MROH6: variants seen among roughly 807,000 people sequenced by gnomAD.
MROH6 encodes maestro heat-like repeat-containing protein family member 6.
MROH6 carries 62 observed loss-of-function variants against 67.7 expected under a neutral mutation model. That is an observed-to-expected ratio of 0.92 (90% CI 0.75 to 1.13). The LOEUF is 1.13. MROH6 is among the 50% of genes most tolerant of loss of function. The pLI, the probability that MROH6 is intolerant of heterozygous loss-of-function variation, is 0.00. For missense variants in MROH6, 1,175 were observed against 1,029.1 expected (o/e 1.14, Z -1.94); for synonymous variants, 566 against 470.8 (o/e 1.20, Z -2.62).
chr8:143,568,889 G>A, intron 9 of MROH6, 170 bp from the exon 10 acceptor site: 1 of 554,476 alleles, frequency 1.8e-6, no homozygotes, highest in South Asian at 2.4e-5. Flanking sequence ...GGGAAGCCTG[G>A]AGAGCCCCTG....
At position 143,570,867 on chromosome 8, in the gene MROH6, A is replaced by G; in HGVS notation, c.720+10T>C. The stretch of plus-strand genomic sequence containing the variant: ...GCCCCCACCCCCTGGTAATGGCTGG[A>G]GCCACCTACCGCCAGTGCCTGGGGC... On this transcript the variant is annotated intron_variant, in intron 4 of 13. Transcript: ENST00000398882. 1.7e-6 allele frequency: 1 copy of G among 581,420 alleles called. No individual in the cohort carries two copies. 36.0% of individuals were successfully genotyped at this position (581,420 alleles called of 1,614,324 possible). A position where few individuals can be genotyped will look rare whatever the true frequency, so the allele number is the denominator to read the frequency against.
At chr8:143,567,714 C>T (rs1290133899) in intron 12 of MROH6, 38 bp from the exon 13 acceptor site, 3 of 1,573,126 alleles carry the variant, frequency 1.9e-6, no homozygotes, top group Middle Eastern at 1.7e-4. Context: ...GGCCCCACAG[C>T]CCCCCAGGGG....
chr8:143,567,062 CCT>C lies in MROH6; in HGVS notation c.*175_*176del, dbSNP rs1823648478. On this transcript the variant is annotated 3_prime_UTR_variant, in exon 14 of 14. Transcript: ENST00000398882. The stretch of plus-strand genomic sequence containing the variant: ...GGGACAGATGGGTGCTGGCTGTCCC[CCT>C]CTGTCACCATCAGGGTGGTGGGTGC... 5.6e-6 allele frequency: 2 copies of C among 356,850 alleles called. No individual in the cohort carries two copies. Among genetic ancestry groups the C allele is most frequent in the East Asian group, 4.1e-5 (1 of 24,544 alleles). 22.1% of individuals were successfully genotyped at this position (356,850 alleles called of 1,614,324 possible). A position where few individuals can be genotyped will look rare whatever the true frequency, so the allele number is the denominator to read the frequency against.
chr8:143,572,371 CA>C (rs772183333), intron 1 of MROH6, 49 bp downstream of exon 1: 2 of 1,501,844 alleles, frequency 1.3e-6, no homozygotes, highest in South Asian at 2.6e-5. Flanking sequence ...ACCTACCATC[CA>C]CAGGACCCCC....
rs776811658 is a variant in MROH6 at position 143,569,537 on chromosome 8, C to A, written c.1380G>T (p.Ala460=). 6.6e-7 allele frequency: 1 copy of A among 1,526,628 alleles called. No individual in the cohort carries two copies. The highest frequency in any genetic ancestry group is 8.7e-7 in the Non-Finnish European group (1 of 1,142,994). The allele number at this position is 1,526,628 out of a possible 1,614,324, so 94.6% of individuals were successfully genotyped here. ...GEGDARLVGA[A]LGALRRLLLR... ...GCAGGAGCCTCCTCAGGGCGCCCAG[C>A]GCTGCACCCACGAGCCGCGCGTCGC... Residue 460 remains alanine (A), a synonymous_variant, in exon 9 of 14, where the codon GCG becomes GCT. Transcript: ENST00000398882.
intron 1 of MROH6, 99 bp downstream of exon 1, chr8:143,572,322 C>G: frequency 6.7e-7 from 1 of 1,490,056 alleles, no homozygotes; most frequent in South Asian, 1.3e-5. Flanking sequence ...CGCTGACCTC[C>G]CCCGGGGCCA....
rs376495603 is a variant in MROH6, at chr8:143,570,804, A to G, written c.720+73T>C. ...GCAGTTACCTAGGTGCAAACTCCCT[A>G]TGCCCATCCTCCCCGCTCCTCGCCA... On this transcript the variant is annotated intron_variant, in intron 4 of 13. Transcript: ENST00000398882. 40 of 1,423,416 alleles carry G rather than the reference A, an allele frequency of 2.8e-5. No homozygotes were observed. The African/African-American group carries it at 5.2e-4, about 19-fold the overall frequency. 88.2% of individuals were successfully genotyped at this position (1,423,416 alleles called of 1,614,324 possible). A position where few individuals can be genotyped will look rare whatever the true frequency, so the allele number is the denominator to read the frequency against.
rs368608881 is a variant in MROH6 at position 143,570,608 on chromosome 8, G to C, written c.770C>G (p.Ala257Gly). 3.7e-6 allele frequency: 6 copies of C among 1,602,068 alleles called. No individual in the cohort carries two copies. In the South Asian group the frequency reaches 6.6e-5, roughly 18 times the overall value. Residue 257 changes from alanine (A) to glycine (G), a missense_variant, in exon 5 of 14, where the codon GCC becomes GGC. Transcript: ENST00000398882. ...EMLAVSGCVG[A>G]TRGFYPHLLL... is the part of the protein sequence containing the mutation. Reference sequence around the variant, plus strand: ...CAGATGTGGGTAGAAGCCCCTCGTGGCTCCCACGCAGCCCGAAACAGCCAG... The same window carrying C: ...CAGATGTGGGTAGAAGCCCCTCGTGCCTCCCACGCAGCCCGAAACAGCCAG...
At chr8:143,571,494 C>T (rs1257966792) in intron 3 of MROH6, among the ~76,000 whole-genome samples, 173 bp downstream of exon 3, 1 of 152,064 alleles carries the variant, frequency 6.6e-6, no homozygotes, top group African/African-American at 2.4e-5. Context: ...GGGGAGTTTG[C>T]GGAGCTAAAA....
chr8:143,572,650 G>A lies in MROH6; in HGVS notation c.65C>T (p.Thr22Ile). 1 of 1,572,754 alleles carries A rather than the reference G, an allele frequency of 6.4e-7. No individual in the cohort carries two copies. Among genetic ancestry groups the A allele is most frequent in the Non-Finnish European group, 8.6e-7 (1 of 1,164,864 alleles). Residue 22 changes from threonine (T) to isoleucine (I), a missense_variant, in exon 1 of 14, where the codon ACA (threonine) becomes ATA (isoleucine). Thr to Ile is a moderately conservative substitution (Grantham distance 89). Transcript: ENST00000398882. ...REAPVGALTL[T>I]ALTEGIRARQ... ...GGCCCGGATTCCTTCAGTCAGTGCT[G>A]TCAGGGTTAGAGCCCCCACGGGAGC...
At position 143,572,101 on chromosome 8, in the gene MROH6, C is replaced by T; in HGVS notation, c.379G>A (p.Gly127Arg). 1 of 1,612,960 alleles carries T rather than the reference C, an allele frequency of 6.2e-7. No homozygotes were observed. Among genetic ancestry groups the T allele is most frequent in the East Asian group, 2.2e-5 (1 of 44,866 alleles). ...AGGGTGAGCACTGTCGCCTGGGTCC[C>T]TGCAAAGCCAGCCTCCTCCAGGCAG... ...AACLEEAGFAGTQATVLTLSS... is the reference protein window; with the variant it reads ...AACLEEAGFARTQATVLTLSS... The change falls in exon 2 of 14, where the codon GGG (glycine) becomes AGG (arginine). Residue 127 changes from glycine (G) to arginine (R), a missense_variant. By Grantham distance (125) the Gly-to-Arg change is moderately radical. Transcript: ENST00000398882.
Position 143,567,155 on chromosome 8 carries a change from G to T in MROH6, c.*84C>A. The stretch of plus-strand genomic sequence containing the variant: ...TGGCGTCCAGCACCAGGCCCAGGGA[G>T]CCCCTCCGTCAGGGCGGGGACAGGC... On this transcript the variant is annotated 3_prime_UTR_variant, in exon 14 of 14. Transcript: ENST00000398882. The T allele has an allele frequency of 1.3e-6, 1 of 746,992 alleles. No homozygotes were observed. Among genetic ancestry groups the T allele is most frequent in the Non-Finnish European group, 1.8e-6 (1 of 553,038 alleles). The allele number at this position is 746,992 out of a possible 1,614,324, so 46.3% of individuals were successfully genotyped here.
In MROH6 at chr8:143,571,708, G is replaced by A. The variant is rs765572218; in HGVS notation, c.561C>T (p.Asp187=). 8.4e-6 allele frequency: 13 copies of A among 1,551,704 alleles called. No individual in the cohort carries two copies. The highest frequency in any genetic ancestry group is 1.7e-4 in the Middle Eastern group (1 of 5,986). The part of the protein sequence containing the change: ...LSALALEHAR[D]VVCALLPRSL... ...AGCGGGGTAGCAGCGCACACACCAC[G>A]TCCCGCGCATGCTCCAGGGCCAGTG... Residue 187 remains aspartate (D), a synonymous_variant, in exon 3 of 14, where the codon GAC becomes GAT. Transcript: ENST00000398882.
rs1318452331 is a variant in MROH6 at position 143,567,445 on chromosome 8, C to T, written c.1954G>A (p.Asp652Asn). The stretch of plus-strand genomic sequence containing the variant: ...GCCGCGGCCACAGCCGGCTTGGGGT[C>T]GCTCTGCAGTCGCCCTAGGTCTGCG... ...LFQDLGRLQS[D>N]PKPAVAAAAH... The change falls in exon 14 of 14, where the codon GAC becomes AAC. Residue 652 changes from aspartate to asparagine, a missense_variant. By Grantham distance (23) the Asp-to-Asn change is conservative. Transcript: ENST00000398882. The T allele has an allele frequency of 5.1e-6, 7 of 1,362,044 alleles. No individual in the cohort carries two copies. The highest frequency in any genetic ancestry group is 3.5e-5 in the Admixed American group (1 of 28,214). 84.4% of individuals were successfully genotyped at this position (1,362,044 alleles called of 1,614,324 possible). A position where few individuals can be genotyped will look rare whatever the true frequency, so the allele number is the denominator to read the frequency against.
At chr8:143,567,709 C>T in intron 12 of MROH6, 33 bp from the exon 13 acceptor site, 1 of 1,574,086 alleles carries the variant, frequency 6.4e-7, no homozygotes. Context: ...GTGCAGGCCC[C>T]ACAGCCCCCC....
rs376840586 is a variant in MROH6, at chr8:143,568,239, C to A, written c.1667G>T (p.Arg556Leu). The A allele has an allele frequency of 6.2e-7, 1 of 1,609,770 alleles. No individual in the cohort carries two copies. Among genetic ancestry groups the A allele is most frequent in the Admixed American group, 1.7e-5 (1 of 59,654 alleles). Residue 556 changes from arginine (R) to leucine (L), a missense_variant, in exon 11 of 14, where the codon CGC becomes CTC. Physicochemically the swap from Arg to Leu is moderately radical, Grantham distance 102 (BLOSUM62 -2). Transcript: ENST00000398882. ...AAESSEWTLA[R>L]CDHAFCWGLL... ...GCCCCAGCAAAAGGCGTGGTCACAG[C>A]GGGCCAGGGTCCACTCTGAGCTCTG...
chr8:143,569,747 G>A lies in MROH6; in HGVS notation c.1252C>T (p.Arg418Cys). 6.2e-7 allele frequency: 1 copy of A among 1,613,218 alleles called. No individual in the cohort carries two copies. The highest frequency in any genetic ancestry group is 8.5e-7 in the Non-Finnish European group (1 of 1,179,740). Residue 418 changes from arginine to cysteine, a missense_variant, in exon 8 of 14, where the codon CGC (arginine) becomes TGC (cysteine). Coordinates refer to ENST00000398882, the MANE Select transcript of MROH6 (RefSeq NM_001100878.2). ...CCCAGGCCCAGCAGGCCCAACCAGCGCACAGTGGGTTCGGGGTCTCCCTGC... is the reference window on the plus strand; with the variant it reads ...CCCAGGCCCAGCAGGCCCAACCAGCACACAGTGGGTTCGGGGTCTCCCTGC... Reference protein sequence around the residue: ...TWQGDPEPTVRWLGLLGLGHL... With the variant: ...TWQGDPEPTVCWLGLLGLGHL...
rs909112426 is a variant in MROH6, at chr8:143,570,615, C to T, written c.763G>A (p.Val255Met). 3.1e-6 allele frequency: 5 copies of T among 1,600,626 alleles called. No individual in the cohort carries two copies. The highest frequency in any genetic ancestry group is 1.6e-4 in the Middle Eastern group (1 of 6,082). Reference protein sequence around the residue: ...LGEMLAVSGCVGATRGFYPHL... With the variant: ...LGEMLAVSGCMGATRGFYPHL... ...GGGTAGAAGCCCCTCGTGGCTCCCA[C>T]GCAGCCCGAAACAGCCAGCATCTCC... The change falls in exon 5 of 14, where the codon GTG becomes ATG. Residue 255 changes from valine (V) to methionine (M), a missense_variant. Val to Met is a conservative substitution (Grantham distance 21, BLOSUM62 1). Coordinates refer to ENST00000398882, the MANE Select transcript of MROH6 (RefSeq NM_001100878.2).
rs1263891239 is a variant in MROH6 at position 143,567,456 on chromosome 8, C to T, written c.1943G>A (p.Arg648Gln). ...AGCCGGCTTGGGGTCGCTCTGCAGTCGCCCTAGGTCTGCGAGGAGATCGCG... is the reference window on the plus strand; with the variant it reads ...AGCCGGCTTGGGGTCGCTCTGCAGTTGCCCTAGGTCTGCGAGGAGATCGCG... The part of the protein sequence containing the change: ...LLDSLFQDLG[R>Q]LQSDPKPAVA... Residue 648 changes from arginine (R) to glutamine (Q), a missense_variant, in exon 14 of 14, where the codon CGA becomes CAA. Physicochemically the swap from Arg to Gln is conservative, Grantham distance 43 (BLOSUM62 1). Transcript: ENST00000398882. 5.1e-5 allele frequency: 71 copies of T among 1,379,078 alleles called. No homozygotes were observed. The highest frequency in any genetic ancestry group is 6.4e-5 in the Non-Finnish European group (68 of 1,062,972). The allele number at this position is 1,379,078 out of a possible 1,614,324, so 85.4% of individuals were successfully genotyped here.
Sources: allele counts gnomAD v4.1 joint callset (sites outside exome capture counted in the v4.1 genomes callset), GRCh38; gene constraint gnomAD v4.1.1; transcripts MANE v1.5; gene names NCBI Gene and HGNC (gene_info 2026-07-23, HGNC 2026-07-21).